The following RYR1 variants were observed in gnomAD, a reference collection of about 807,000 sequenced individuals.
RYR1 encodes the protein ryanodine receptor 1, also known as central core disease of muscle.
Under a neutral mutation model 583.5 loss-of-function variants are expected in RYR1, and 342 were observed. The ratio of observed to expected loss-of-function variants is 0.59; its 90% CI spans 0.54 to 0.64. The LOEUF is 0.64. Among genes scored for constraint, RYR1 ranks in the 30% least tolerant of loss-of-function variants. RYR1 has a pLI of 0.00. For missense variants in RYR1, 6,032 were observed against 6,917.2 expected (o/e 0.87, Z 4.54); for synonymous variants, 2,791 against 2,822.5 (o/e 0.99, Z 0.35).
At chr19:38,466,501 CTTTTTTTT>C (rs869097541) in intron 24 of RYR1, 103 bp downstream of exon 24, 4 of 641,840 alleles carry the variant, frequency 6.2e-6, no homozygotes, top group East Asian at 3.0e-5. Context: ...TGGGCTATAT[CTTTTTTTT>C]TTTTTTTTTT....
chr19:38,569,820 T>G (rs917003048), intron 93 of RYR1, among the ~76,000 whole-genome samples: 1 of 152,180 alleles, frequency 6.6e-6, no homozygotes. Flanking sequence ...AACAAGCTCA[T>G]GCAAATAAAG....
Position 38,504,821 on chromosome 19 carries a change from AT to A in RYR1, c.8142del (p.Tyr2714Ter). 1 of 1,614,074 alleles carries A rather than the reference AT, an allele frequency of 6.2e-7. No homozygotes were observed. Among genetic ancestry groups the A allele is most frequent in the South Asian group, 1.1e-5 (1 of 91,068 alleles). On this transcript the variant is annotated frameshift_variant, in exon 51 of 106. Transcript: ENST00000359596. LOFTEE classifies it high-confidence loss of function. ...CAIAGALPPD[Y>X]VDASYSSKAE... ...ATTGCCGGGGCTCTGCCCCCCGACT[AT>A]GTGGATGCCTCATACTCATCTAAGG...
intron 73 of RYR1, 108 bp from the exon 74 acceptor site, chr19:38,528,198 A>T: frequency 1.1e-6 from 1 of 897,176 alleles, no homozygotes. Flanking sequence ...CTGCCGTGTG[A>T]GTCTTAACCT....
Position 38,534,842 on chromosome 19 carries a change from A to G in RYR1, c.11359+23A>G, listed in dbSNP as rs886038313. 2.9e-5 allele frequency: 46 copies of G among 1,592,968 alleles called. No individual in the cohort carries two copies. Among genetic ancestry groups the G allele is most frequent in the Non-Finnish European group, 3.5e-5 (41 of 1,167,656 alleles). On this transcript the variant is annotated intron_variant, in intron 79 of 105. Transcript: ENST00000359596. ...AAGGTGCCCCTCACATGTGCACTGG[A>G]CTCTTCCGAGTGCACTCATCCTAAC...
chr19:38,573,450 G>T (rs372957745), intron 96 of RYR1, 143 bp downstream of exon 96: 10 of 1,073,366 alleles, frequency 9.3e-6, no homozygotes, highest in Non-Finnish European at 1.3e-5. Context: ...GGGAGGCTAA[G>T]GCGGGCGGAT....
intron 95 of RYR1, among the ~76,000 whole-genome samples, 178 bp downstream of exon 95, chr19:38,572,448 G>A (rs183356582): frequency 6.6e-6 from 1 of 152,170 alleles, no homozygotes; most frequent in Non-Finnish European, 1.5e-5. Flanking sequence ...AAGGATGACA[G>A]GGGTCTCCAG....
At position 38,467,746 on chromosome 19, in the gene RYR1, G is replaced by T. The variant is rs1469007491; in HGVS notation, c.3315G>T (p.Arg1105Ser). 1.9e-6 allele frequency: 3 copies of T among 1,614,096 alleles called. No homozygotes were observed. Among genetic ancestry groups the T allele is most frequent in the Non-Finnish European group, 2.5e-6 (3 of 1,180,052 alleles). Residue 1105 changes from arginine (R) to serine (S), a missense_variant, in exon 25 of 106, where the codon AGG becomes AGT. Physicochemically the swap from Arg to Ser is moderately radical, Grantham distance 110 (BLOSUM62 -1). This residue lies in a region of RYR1 where 2,627 missense variants were observed against 2,961.3 expected (regional missense o/e 0.89). Coordinates refer to ENST00000359596, the MANE Select transcript of RYR1 (RefSeq NM_000540.3). ...TTGEMRVGWA[R>S]PELRPDVELG... Reference sequence around the variant, plus strand: ...GCGAGATGCGCGTGGGCTGGGCGAGGCCCGAGCTGAGGCCTGATGTAGAGC... The same window carrying T: ...GCGAGATGCGCGTGGGCTGGGCGAGTCCCGAGCTGAGGCCTGATGTAGAGC...
Position 38,505,815 on chromosome 19 carries a change from A to G in RYR1, c.8410A>G (p.Ile2804Val), listed in dbSNP as rs779475638. The G allele has an allele frequency of 3.7e-6, 6 of 1,614,000 alleles. No homozygotes were observed. Among genetic ancestry groups the G allele is most frequent in the Non-Finnish European group, 3.4e-6 (4 of 1,180,012 alleles). The change falls in exon 54 of 106, where the codon ATT (isoleucine) becomes GTT (valine). Residue 2804 changes from isoleucine (I) to valine (V), a missense_variant. Transcript: ENST00000359596. ...CTCCTGTCCACCCCAGGACAAAGAG[A>G]TTTACCGCTGGCCCATCAAGGAGTC... ...YKTFSEKDKE[I>V]YRWPIKESLK...
Position 38,493,701 on chromosome 19 carries a change from G to A in RYR1, c.6275-651G>A, listed in dbSNP as rs112770713. Among the ~76,000 whole-genome samples the A allele has an allele frequency of 5.9e-3, 892 of 151,960 alleles. 3 individuals carry two copies. The highest frequency in any genetic ancestry group is 9.0e-3 in the Non-Finnish European group (614 of 67,964). On this transcript the variant is annotated intron_variant, in intron 38 of 105. Coordinates refer to ENST00000359596, the MANE Select transcript of RYR1 (RefSeq NM_000540.3). ...TGCCTGGCTAATTTTTGTATTTTTA[G>A]TAGAGACGGGGCTTCACCATGTTGG...
In RYR1 at chr19:38,520,024, G is replaced by T. The variant is rs1600900662; in HGVS notation, c.10259+570G>T. 2.0e-5 allele frequency among the ~76,000 whole-genome samples: 3 copies of T among 148,300 alleles called. No homozygotes were observed. In the South Asian group the frequency reaches 6.4e-4, roughly 32 times the overall value. The stretch of plus-strand genomic sequence containing the variant: ...TCTCCTAATGCTGGACATTTAGATT[G>T]TGTCGATTTCTTTGTCACTATGCAC... On this transcript the variant is annotated intron_variant, in intron 67 of 105. Coordinates refer to ENST00000359596, the MANE Select transcript of RYR1 (RefSeq NM_000540.3).
Position 38,496,116 on chromosome 19 carries a change from G to T in RYR1, c.6549-99G>T. Reference sequence around the variant, plus strand: ...TGTAAAGGCGGTGGTGCTAGGCACAGAGTGAGAGGGTCAAGAATGCCAACG... The same window carrying T: ...TGTAAAGGCGGTGGTGCTAGGCACATAGTGAGAGGGTCAAGAATGCCAACG... On this transcript the variant is annotated intron_variant, in intron 39 of 105. Transcript: ENST00000359596. This position sits in a 1 kb window ranked among gnomAD's most constrained non-coding sequence, Gnocchi z 4.8. 1 of 979,270 alleles carries T rather than the reference G, an allele frequency of 1.0e-6. No homozygotes were observed. Among genetic ancestry groups the T allele is most frequent in the Non-Finnish European group, 1.6e-6 (1 of 620,402 alleles). The allele number at this position is 979,270 out of a possible 1,614,324, so 60.7% of individuals were successfully genotyped here. A position where few individuals can be genotyped will look rare whatever the true frequency, so the allele number is the denominator to read the frequency against.
intron 82 of RYR1, 97 bp from the exon 83 acceptor site, chr19:38,536,653 C>T (rs1028966536): frequency 7.2e-7 from 1 of 1,394,772 alleles, no homozygotes; most frequent in East Asian, 2.4e-5. Context: ...TTCTGTGTCT[C>T]TGTCCCTGAC....
chr19:38,490,842 A>G, intron 37 of RYR1, 110 bp downstream of exon 37: 1 of 746,924 alleles, frequency 1.3e-6, no homozygotes, highest in Non-Finnish European at 2.4e-6. Context: ...GTGCTATGTA[A>G]CTATTGGTTG....
At position 38,549,321 on chromosome 19, in the gene RYR1, G is replaced by A. The variant is rs375746866; in HGVS notation, c.12282+901G>A. Among the ~76,000 whole-genome samples, 3 of 152,264 alleles carry A rather than the reference G, an allele frequency of 2.0e-5. No homozygotes were observed. In the East Asian group the frequency reaches 5.8e-4, roughly 29 times the overall value. On this transcript the variant is annotated intron_variant, in intron 89 of 105. Transcript: ENST00000359596. ...AACCACTAACTATTGGCAGTGTGCG[G>A]TGGTTCATGCCTATAATCCCAGCAA...
chr19:38,538,814 T>C (rs1972083447), intron 84 of RYR1: 1 of 152,228 alleles, frequency 6.6e-6, no homozygotes, highest in Admixed American at 6.5e-5. Flanking sequence ...GCAAATTAAT[T>C]ACACAACATC....
intron 16 of RYR1, 152 bp downstream of exon 16, chr19:38,455,903 G>T (rs925561711): frequency 1.5e-6 from 1 of 684,638 alleles, no homozygotes. Flanking sequence ...CCACACAGGG[G>T]TCTCAAACAA....
At chr19:38,450,773 C>CAATAAATAAATAAATA (rs373753347) in intron 11 of RYR1, among the ~76,000 whole-genome samples, 2,167 of 150,166 alleles carry the variant, frequency 0.014, 29 homozygotes, top group African/African-American at 0.019. Flanking sequence ...AACGTGGAAA[C>CAATAAATAAATAAATA]AATAAATAAA....
At position 38,446,702 on chromosome 19, in the gene RYR1, A is replaced by G; in HGVS notation, c.734A>G (p.Tyr245Cys). ...ADSDDQRRLV[Y>C]YEGGAVCTHA... ...CTCTTCTGTGTCCCCAGACTTGTCTACTATGAGGGGGGAGCTGTGTGCACT... is the reference window on the plus strand; with the variant it reads ...CTCTTCTGTGTCCCCAGACTTGTCTGCTATGAGGGGGGAGCTGTGTGCACT... The change falls in exon 9 of 106, where the codon TAC becomes TGC. Residue 245 changes from tyrosine to cysteine, a missense_variant. This residue lies in a region of RYR1 where 338 missense variants were observed against 441.6 expected (regional missense o/e 0.77). Transcript: ENST00000359596. 1 of 1,613,966 alleles carries G rather than the reference A, an allele frequency of 6.2e-7. No individual in the cohort carries two copies.
At chr19:38,523,452 T>C (rs1362216954) in intron 69 of RYR1, 143 bp downstream of exon 69, 2 of 835,384 alleles carry the variant, frequency 2.4e-6, no homozygotes, top group East Asian at 2.6e-5. Context: ...TTACCTCCTC[T>C]CCCTCTCCCT....
Sources: allele counts gnomAD v4.1 joint callset (sites outside exome capture counted in the v4.1 genomes callset), GRCh38; gene constraint gnomAD v4.1.1; regional missense constraint gnomAD v4.1.1; non-coding constraint Gnocchi (gnomAD v3.1); transcripts MANE v1.5; gene names NCBI Gene and HGNC (gene_info 2026-07-23, HGNC 2026-07-21).